EVC: variants seen among roughly 807,000 people sequenced by gnomAD.
EVC encodes the protein EvC ciliary complex subunit 1, also known as evC complex member EVC.
In EVC, 116 loss-of-function variants were observed where a neutral mutation model predicts 118.9. The ratio of observed to expected loss-of-function variants is 0.98; its 90% CI spans 0.84 to 1.14. The LOEUF (loss-of-function observed/expected upper bound fraction) is 1.14. Ranked by LOEUF, EVC falls within the 50% of genes most tolerant of loss-of-function variation. The probability of loss-of-function intolerance (pLI) is 0.00; values close to 1 mark genes in which losing one functional copy is unlikely to be tolerated. For missense variants in EVC, 1,401 were observed against 1,246.4 expected, an observed-to-expected ratio of 1.12 and a Z score of -1.87; for synonymous variants, 619 against 534.7, an observed-to-expected ratio of 1.16 and a Z score of -2.18.
chr4:5,754,057 C>A lies in EVC; in HGVS notation c.1464+124C>A. ...GGTTATCTGCCTACTTCCCATGTGT[C>A]AGCCGAGTGACCGAATCTCAGTCCC... On this transcript the variant is annotated intron_variant, in intron 10 of 20. Coordinates refer to ENST00000264956, the MANE Select transcript of EVC (RefSeq NM_153717.3). This position sits in a 1 kb window ranked among gnomAD's most constrained non-coding sequence, Gnocchi z 5.8. 1 of 1,271,822 alleles carries A rather than the reference C, an allele frequency of 7.9e-7. No individual in the cohort carries two copies. The highest frequency in any genetic ancestry group is 1.1e-6 in the Non-Finnish European group (1 of 889,194). 78.8% of individuals were successfully genotyped at this position (1,271,822 alleles called of 1,614,324 possible).
intron 2 of EVC, among the ~76,000 whole-genome samples, chr4:5,726,328 A>G (rs1337802984): frequency 1.3e-5 from 2 of 152,180 alleles, no homozygotes; most frequent in Admixed American, 1.3e-4. Context: ...GCTTATCTTC[A>G]TTCACTATCC....
downstream of EVC, among the ~76,000 whole-genome samples, chr4:5,816,588 C>G (rs1430969903): frequency 6.6e-6 from 1 of 151,148 alleles, no homozygotes; most frequent in African/African-American, 2.4e-5. Context: ...CCTCCCCTCC[C>G]TCCCTTCTTT....
At chr4:5,805,894 T>TC (rs1174701600) in intron 17 of EVC, among the ~76,000 whole-genome samples, 1 of 148,058 alleles carries the variant, frequency 6.8e-6, no homozygotes, top group Non-Finnish European at 1.5e-5. Flanking sequence ...TTCTTTTCTT[T>TC]TTTTTTTTTT....
At chr4:5,714,059 C>T (rs1723529126) in intron 1 of EVC, among the ~76,000 whole-genome samples, 1 of 152,244 alleles carries the variant, frequency 6.6e-6, no homozygotes, top group Non-Finnish European at 1.5e-5. Flanking sequence ...GTTCCCCGTA[C>T]ACCTCTGCAC....
At chr4:5,735,307 G>C (rs34726624) in intron 5 of EVC, among the ~76,000 whole-genome samples, 1 of 152,220 alleles carries the variant, frequency 6.6e-6, no homozygotes. Flanking sequence ...GGGGAGTCTC[G>C]TGGGTGGAAA....
rs748802064 is a variant in EVC, at chr4:5,731,399, G to A, written c.385-26G>A. ...AAATCCCAGAGGCATCACATGGACT[G>A]AGTGTGACTCCTACTGCCACCCCAG... On this transcript the variant is annotated intron_variant, in intron 3 of 20. Coordinates refer to ENST00000264956, the MANE Select transcript of EVC (RefSeq NM_153717.3). This position sits in a 1 kb window ranked among gnomAD's most constrained non-coding sequence, Gnocchi z 5.6. 10 of 1,542,042 alleles carry A rather than the reference G, an allele frequency of 6.5e-6. No individual in the cohort carries two copies. The Admixed American group carries it at 1.7e-4, about 26-fold the overall frequency.
chr4:5,808,140 TCCC>T, intron 17 of EVC, 58 bp from the exon 18 acceptor site: 19 of 239,916 alleles, frequency 7.9e-5, no homozygotes, highest in Admixed American at 3.0e-4. Context: ...TCTCCCTCCC[TCCC>T]TCCCTCCCTC....
chr4:5,811,397 C>T lies in EVC; in HGVS notation c.*360C>T. 3.0e-6 allele frequency: 1 copy of T among 332,020 alleles called. No individual in the cohort carries two copies. Among genetic ancestry groups the T allele is most frequent in the Non-Finnish European group, 5.8e-6 (1 of 173,832 alleles). The allele number at this position is 332,020 out of a possible 1,614,324, so 20.6% of individuals were successfully genotyped here. On this transcript the variant is annotated 3_prime_UTR_variant, in exon 21 of 21. Transcript: ENST00000264956. ...TGGAATCCCTGGCCCAAAGGCCTGT[C>T]TGGGCCCATCTGGGGCTGAGGACAC...
At position 5,812,493 on chromosome 4, in the gene EVC, C is replaced by T. The variant is rs1199370325; in HGVS notation, c.*1456C>T. 1.2e-5 allele frequency: 2 copies of T among 166,220 alleles called. No individual in the cohort carries two copies. Among genetic ancestry groups the T allele is most frequent in the African/African-American group, 4.9e-5 (2 of 41,068 alleles). The allele number at this position is 166,220 out of a possible 1,614,324, so 10.3% of individuals were successfully genotyped here. A position where few individuals can be genotyped will look rare whatever the true frequency, so the allele number is the denominator to read the frequency against. ...GAGAGAAACTTTCAGACCAGCCCCA[C>T]ACACCACAGCCAGGAGAGGCCGTTC... On this transcript the variant is annotated 3_prime_UTR_variant, in exon 21 of 21. Coordinates refer to ENST00000264956, the MANE Select transcript of EVC (RefSeq NM_153717.3).
chr4:5,750,346 G>A (rs1367734744), intron 8 of EVC, among the ~76,000 whole-genome samples: 1 of 152,168 alleles, frequency 6.6e-6, no homozygotes, highest in Non-Finnish European at 1.5e-5. Flanking sequence ...TACATCCTTA[G>A]CTGACTCTGG....
chr4:5,752,546 G>A (rs1730542971), intron 8 of EVC: 3 of 512,616 alleles, frequency 5.9e-6, no homozygotes, highest in Admixed American at 3.2e-5. Context: ...TGTAAATCTG[G>A]ATTCCCTCCT....
intron 11 of EVC, among the ~76,000 whole-genome samples, chr4:5,768,189 A>G (rs1201267407): frequency 6.6e-6 from 1 of 152,110 alleles, no homozygotes; most frequent in Admixed American, 6.5e-5. Flanking sequence ...ATCTTGGAAG[A>G]CGTTGCAGAC....
intron 9 of EVC, 21 bp downstream of exon 9, chr4:5,753,073 C>T: frequency 1.3e-6 from 2 of 1,559,712 alleles, no homozygotes; most frequent in East Asian, 2.4e-5. Context: ...GGCATGGGTG[C>T]CGCCGTCCAC....
At chr4:5,722,271 T>C (rs1411790815) in intron 2 of EVC, among the ~76,000 whole-genome samples, 2 of 152,190 alleles carry the variant, frequency 1.3e-5, no homozygotes, top group Admixed American at 1.3e-4. Context: ...CCTAAATATT[T>C]CTACCCCGCT....
chr4:5,786,904 G>A (rs1711757437), intron 12 of EVC, among the ~76,000 whole-genome samples: 1 of 150,740 alleles, frequency 6.6e-6, no homozygotes, highest in South Asian at 2.1e-4. Flanking sequence ...ACACACGATA[G>A]TTAGAGATCC....
rs374549123 is a variant in EVC at position 5,803,375 on chromosome 4, C to T, written c.2449+1281C>T. Among the ~76,000 whole-genome samples, 26 of 152,346 alleles carry T rather than the reference C, an allele frequency of 1.7e-4. No homozygotes were observed. In the South Asian group the frequency reaches 4.6e-3, roughly 27 times the overall value. Reference sequence around the variant, plus strand: ...CTTGAGGCCTAGATTCAAATAAAATCGGGGCACATGCCCAGAGATCTGCCA... The same window carrying T: ...CTTGAGGCCTAGATTCAAATAAAATTGGGGCACATGCCCAGAGATCTGCCA... On this transcript the variant is annotated intron_variant, in intron 16 of 20. Coordinates refer to ENST00000264956, the MANE Select transcript of EVC (RefSeq NM_153717.3).
intron 2 of EVC, among the ~76,000 whole-genome samples, chr4:5,727,445 T>C (rs1209958145): frequency 1.3e-5 from 2 of 152,182 alleles, no homozygotes; most frequent in Non-Finnish European, 2.9e-5. Context: ...TAAATGTGTT[T>C]GAGTTCATTG....
intron 11 of EVC, among the ~76,000 whole-genome samples, chr4:5,771,774 T>A (rs1734001167): frequency 6.6e-6 from 1 of 152,190 alleles, no homozygotes. Context: ...TGGTCCTTTA[T>A]TAGGCTTAAA....
intron 2 of EVC, among the ~76,000 whole-genome samples, chr4:5,727,641 C>A (rs200560823): frequency 6.6e-6 from 1 of 150,758 alleles, no homozygotes; most frequent in Non-Finnish European, 1.5e-5. Flanking sequence ...ACATGAAGTC[C>A]TTGCACATGC....
Sources: gnomAD v4.1 joint callset for allele counts (sites outside exome capture counted in the v4.1 genomes callset) on GRCh38, gnomAD v4.1.1 for gene constraint, Gnocchi (gnomAD v3.1) non-coding constraint, MANE v1.5 for transcripts, NCBI Gene and HGNC (gene_info 2026-07-23, HGNC 2026-07-21) for gene names.